TTC28: variants seen among roughly 807,000 people sequenced by gnomAD.
The protein encoded by TTC28 is tetratricopeptide repeat protein 28.
TTC28 carries 61 observed loss-of-function variants against 198.0 expected under a neutral mutation model. That is an observed-to-expected ratio of 0.31 (90% CI 0.25 to 0.38). The LOEUF (loss-of-function observed/expected upper bound fraction) is 0.38. TTC28 is among the 10% of genes least tolerant of loss of function. The pLI, the probability that TTC28 is intolerant of heterozygous loss-of-function variation, is 1.00. For missense variants in TTC28, 2,678 were observed against 3,164.0 expected (o/e 0.85, Z 3.69); for synonymous variants, 1,171 against 1,297.8 (o/e 0.90, Z 2.10).
intron 2 of TTC28, among the ~76,000 whole-genome samples, chr22:28,379,208 AAC>A (rs1254111527): frequency 6.6e-6 from 1 of 152,196 alleles, no homozygotes; most frequent in Non-Finnish European, 1.5e-5. Flanking sequence ...CTGATTTGGA[AAC>A]AGTGTGATGG....
In TTC28 at chr22:28,556,314, G is replaced by A. The variant is rs763113409; in HGVS notation, c.381+73238C>T. 2.6e-5 allele frequency among the ~76,000 whole-genome samples: 4 copies of A among 151,948 alleles called. 1 individual carries two copies. Among genetic ancestry groups the A allele is most frequent in the Admixed American group, 6.6e-5 (1 of 15,238 alleles). ...GCAGAGGTTGCAGTGAGCCAAGATC[G>A]CACCACTGCACCCCAGCCTGGGCAA... On this transcript the variant is annotated intron_variant, in intron 2 of 22. Coordinates refer to ENST00000397906, the MANE Select transcript of TTC28 (RefSeq NM_001145418.2).
chr22:28,233,755 G>GT (rs1017768474), intron 5 of TTC28, among the ~76,000 whole-genome samples: 11 of 151,960 alleles, frequency 7.2e-5, no homozygotes, highest in Non-Finnish European at 8.8e-5. Context: ...GACCTTTTTT[G>GT]TTTTTTGGAG....
chr22:28,405,403 G>C (rs2046984563), intron 2 of TTC28, among the ~76,000 whole-genome samples: 1 of 152,172 alleles, frequency 6.6e-6, no homozygotes, highest in Admixed American at 6.5e-5. Flanking sequence ...GGTGGTCACA[G>C]AGCCTTCCTT....
At chr22:28,009,556 G>A (rs1472412382) in intron 14 of TTC28, among the ~76,000 whole-genome samples, 7 of 152,238 alleles carry the variant, frequency 4.6e-5, no homozygotes, top group African/African-American at 1.7e-4. Context: ...CCAGAAGCAG[G>A]AGAATGATCC....
At chr22:28,614,333 T>A (rs568333308) in intron 2 of TTC28, among the ~76,000 whole-genome samples, 1 of 152,194 alleles carries the variant, frequency 6.6e-6, no homozygotes, top group Admixed American at 6.5e-5. Context: ...TGCTCATGGA[T>A]AGGAAGAATC....
chr22:28,225,368 A>AG (rs1185984226), intron 5 of TTC28, among the ~76,000 whole-genome samples: 30 of 143,064 alleles, frequency 2.1e-4, no homozygotes, highest in African/African-American at 8.1e-4. Flanking sequence ...AAAAAAAAGA[A>AG]AAGAAGAAGA....
chr22:28,125,959 A>G lies in TTC28; in HGVS notation c.1442-17556T>C, dbSNP rs1942903930. ...GCTTAGAAACTGCACATACCCATCT[A>G]CAATCCTTAGAGGATCTGGAAAAAA... On this transcript the variant is annotated intron_variant, in intron 6 of 22. Coordinates refer to ENST00000397906, the MANE Select transcript of TTC28 (RefSeq NM_001145418.2). Among the ~76,000 whole-genome samples, 4 of 152,308 alleles carry G rather than the reference A, an allele frequency of 2.6e-5. No homozygotes were observed. The South Asian group carries it at 8.3e-4, about 32-fold the overall frequency.
chr22:28,451,369 ACT>A (rs971390549), intron 2 of TTC28, among the ~76,000 whole-genome samples: 2 of 152,156 alleles, frequency 1.3e-5, no homozygotes, highest in African/African-American at 4.8e-5. Context: ...AAAGTGCAAC[ACT>A]CTTTGAAGGA....
At chr22:28,566,698 A>G (rs1035436761) in intron 2 of TTC28, among the ~76,000 whole-genome samples, 21 of 152,240 alleles carry the variant, frequency 1.4e-4, no homozygotes, top group Non-Finnish European at 2.9e-5. Context: ...GAGTAATTTT[A>G]AAAATAAAAA....
At chr22:28,343,578 C>T (rs919755690) in intron 2 of TTC28, among the ~76,000 whole-genome samples, 21 of 151,870 alleles carry the variant, frequency 1.4e-4, no homozygotes, top group Admixed American at 1.4e-3. Flanking sequence ...TGTCCTCTGC[C>T]TAATTCAAAA....
chr22:28,503,077 C>T (rs909544294), intron 2 of TTC28, among the ~76,000 whole-genome samples: 1 of 152,162 alleles, frequency 6.6e-6, no homozygotes, highest in Non-Finnish European at 1.5e-5. Context: ...CCTCACTAGA[C>T]ATCTTTACTA....
chr22:28,148,208 T>C (rs1413529543), intron 6 of TTC28, among the ~76,000 whole-genome samples: 1 of 152,226 alleles, frequency 6.6e-6, no homozygotes, highest in Non-Finnish European at 1.5e-5. Context: ...TCAGTCTTCC[T>C]ACTAACTGTA....
At chr22:28,193,857 T>G (rs1182407622) in intron 5 of TTC28, among the ~76,000 whole-genome samples, 1 of 152,278 alleles carries the variant, frequency 6.6e-6, no homozygotes, top group East Asian at 1.9e-4. Context: ...AAGACCCCAC[T>G]GTCAACATTA....
intron 6 of TTC28, among the ~76,000 whole-genome samples, chr22:28,123,800 T>C (rs186304597): frequency 4.6e-5 from 7 of 152,046 alleles, no homozygotes; most frequent in Admixed American, 2.6e-4. Flanking sequence ...CTGGGCAACA[T>C]GGTGAAATCC....
At chr22:28,420,842 C>T (rs1168934631) in intron 2 of TTC28, among the ~76,000 whole-genome samples, 1 of 152,104 alleles carries the variant, frequency 6.6e-6, no homozygotes, top group Non-Finnish European at 1.5e-5. Flanking sequence ...CTCAGGTGAT[C>T]CGCCTGCCTT....
At chr22:27,990,654 G>C (rs1937366870) in intron 20 of TTC28, 135 bp downstream of exon 20, 4 of 781,802 alleles carry the variant, frequency 5.1e-6, no homozygotes, top group Non-Finnish European at 8.0e-6. Context: ...GTGCGCACCC[G>C]CGGGGGCGCC....
chr22:28,268,170 C>T (rs1931810368), intron 5 of TTC28, among the ~76,000 whole-genome samples: 1 of 152,130 alleles, frequency 6.6e-6, no homozygotes, highest in African/African-American at 2.4e-5. Flanking sequence ...GATGCTCATC[C>T]AACTTTTTCG....
Position 28,371,896 on chromosome 22 carries a change from T to A in TTC28, c.382-65253A>T, listed in dbSNP as rs936673939. Among the ~76,000 whole-genome samples the A allele has an allele frequency of 9.0e-4, 135 of 149,688 alleles. 1 individual carries two copies. The highest frequency in any genetic ancestry group is 2.8e-3 in the African/African-American group (115 of 40,772). On this transcript the variant is annotated intron_variant, in intron 2 of 22. Transcript: ENST00000397906. ...CACCCAGCCCCAAAAAAAAAAAAAA[T>A]TTTTTTAATGAATTTTTTTTATTTT...
At chr22:28,251,602 C>G (rs1309193061) in intron 5 of TTC28, among the ~76,000 whole-genome samples, 1 of 152,102 alleles carries the variant, frequency 6.6e-6, no homozygotes, top group Non-Finnish European at 1.5e-5. Context: ...TAAAGTGATT[C>G]ACAAATATAG....
Sources: gnomAD v4.1 joint callset for allele counts (sites outside exome capture counted in the v4.1 genomes callset) on GRCh38, gnomAD v4.1.1 for gene constraint, MANE v1.5 for transcripts, NCBI Gene and HGNC (gene_info 2026-07-23, HGNC 2026-07-21) for gene names.